UGT3A2: variants seen among roughly 807,000 people sequenced by gnomAD.
The protein encoded by UGT3A2 is UDP glycosyltransferase family 3 member A2.
In UGT3A2, 32 loss-of-function variants were observed where a neutral mutation model predicts 39.8. That is an observed-to-expected ratio of 0.80 (90% CI 0.61 to 1.08). UGT3A2 has a LOEUF of 1.08. Among genes scored for constraint, UGT3A2 ranks in the 50% least tolerant of loss-of-function variants. The pLI is 0.00. For missense variants in UGT3A2, 611 were observed against 637.1 expected, an observed-to-expected ratio of 0.96 and a Z score of 0.44; for synonymous variants, 241 against 230.7, an observed-to-expected ratio of 1.04 and a Z score of -0.40.
At chr5:36,064,449 T>G in intron 1 of UGT3A2, 99 bp from the exon 2 acceptor site, 1 of 1,019,748 alleles carries the variant, frequency 9.8e-7, no homozygotes, top group Non-Finnish European at 1.5e-6. Context: ...GAAACAGAAG[T>G]GGATAGTGAT....
chr5:36,053,496 C>G (rs972279407), intron 2 of UGT3A2, among the ~76,000 whole-genome samples: 1 of 152,102 alleles, frequency 6.6e-6, no homozygotes, highest in African/African-American at 2.4e-5. Context: ...ACAGAAGGCT[C>G]TAGAATCTGT....
intron 2 of UGT3A2, among the ~76,000 whole-genome samples, chr5:36,057,539 T>C (rs1311109090): frequency 7.8e-5 from 11 of 140,766 alleles, no homozygotes; most frequent in Admixed American, 3.7e-4. Context: ...CTCTCTCTCT[T>C]TTTTTTTTTT....
intron 4 of UGT3A2, among the ~76,000 whole-genome samples, chr5:36,047,019 C>A (rs184655913): frequency 3.9e-5 from 6 of 152,248 alleles, no homozygotes; most frequent in East Asian, 1.9e-4. Context: ...AAGTGTATGT[C>A]GGCTCGCTTC....
chr5:36,044,370 A>G (rs1742103731), intron 4 of UGT3A2, among the ~76,000 whole-genome samples: 1 of 152,170 alleles, frequency 6.6e-6, no homozygotes, highest in African/African-American at 2.4e-5. Flanking sequence ...TGACACACCC[A>G]AAGTTAGTAT....
chr5:36,037,360 G>T (rs1741862570), intron 6 of UGT3A2, among the ~76,000 whole-genome samples: 1 of 152,204 alleles, frequency 6.6e-6, no homozygotes, highest in African/African-American at 2.4e-5. Context: ...AAGAAGAAAT[G>T]AGTTGGAGAT....
chr5:36,056,494 A>C (rs955000300), intron 2 of UGT3A2, among the ~76,000 whole-genome samples: 1 of 152,188 alleles, frequency 6.6e-6, no homozygotes, highest in African/African-American at 2.4e-5. Flanking sequence ...CAAGTAATAA[A>C]TCCACTTCAT....
Position 36,035,483 on chromosome 5 carries a change from G to A in UGT3A2, c.*215C>T. ...GCAAACAAAGGAGGACAAGAGGACTGGAAAGAATTCTGCTAGCAGGCAGGA... is the reference window on the plus strand; with the variant it reads ...GCAAACAAAGGAGGACAAGAGGACTAGAAAGAATTCTGCTAGCAGGCAGGA... On this transcript the variant is annotated 3_prime_UTR_variant, in exon 7 of 7. Coordinates refer to ENST00000282507, the MANE Select transcript of UGT3A2 (RefSeq NM_174914.4). 1.5e-6 allele frequency: 1 copy of A among 657,798 alleles called. No homozygotes were observed. Among genetic ancestry groups the A allele is most frequent in the Non-Finnish European group, 2.5e-6 (1 of 397,040 alleles). The allele number at this position is 657,798 out of a possible 1,614,324, so 40.7% of individuals were successfully genotyped here. A position where few individuals can be genotyped will look rare whatever the true frequency, so the allele number is the denominator to read the frequency against.
At chr5:36,055,225 G>GTTTTTT (rs67212623) in intron 2 of UGT3A2, among the ~76,000 whole-genome samples, 3 of 150,786 alleles carry the variant, frequency 2.0e-5, no homozygotes, top group African/African-American at 7.3e-5. Context: ...CTGCTCTGCA[G>GTTTTTT]TTTGTTTTTT....
rs1047139758 is a variant in UGT3A2 at position 36,040,893 on chromosome 5, C to T, written c.844-1185G>A. On this transcript the variant is annotated intron_variant, in intron 4 of 6. Coordinates refer to ENST00000282507, the MANE Select transcript of UGT3A2 (RefSeq NM_174914.4). Reference sequence around the variant, plus strand: ...CAGCTCAGAGCTCCAGGAGAGACTCCTTCCTCCAGGAGAGGAGAGGGAAGA... The same window carrying T: ...CAGCTCAGAGCTCCAGGAGAGACTCTTTCCTCCAGGAGAGGAGAGGGAAGA... Among the ~76,000 whole-genome samples, 5 of 151,932 alleles carry T rather than the reference C, an allele frequency of 3.3e-5. No homozygotes were observed. The East Asian group carries it at 9.7e-4, about 29-fold the overall frequency.
chr5:36,066,687 A>AGC lies in UGT3A2; in HGVS notation c.94+7_94+8dup. 1 of 1,614,090 alleles carries AGC rather than the reference A, an allele frequency of 6.2e-7. No homozygotes were observed. Among genetic ancestry groups the AGC allele is most frequent in the Middle Eastern group, 1.7e-4 (1 of 6,060 alleles). On this transcript the variant is annotated intron_variant, in intron 1 of 6. Transcript: ENST00000282507. ...CGCCTGTCTGGGAATTCTCCGGCCA[A>AGC]GCACTCACCTACTGTAGATATTGTC...
intron 1 of UGT3A2, among the ~76,000 whole-genome samples, chr5:36,065,789 C>G (rs750199817): frequency 2.4e-4 from 37 of 152,110 alleles, no homozygotes; most frequent in Non-Finnish European, 5.0e-4. Flanking sequence ...CCTTCAATTG[C>G]CCTCTCAGGA....
At chr5:36,041,104 C>T (rs1741992292) in intron 4 of UGT3A2, among the ~76,000 whole-genome samples, 2 of 152,136 alleles carry the variant, frequency 1.3e-5, no homozygotes, top group African/African-American at 4.8e-5. Flanking sequence ...GATTCACCAC[C>T]TGCTAATTCA....
intron 6 of UGT3A2, among the ~76,000 whole-genome samples, chr5:36,036,648 A>G (rs939229501): frequency 3.9e-5 from 6 of 152,218 alleles, no homozygotes; most frequent in African/African-American, 1.4e-4. Context: ...TCAGAAAATG[A>G]CCAACTGCAA....
At chr5:36,063,855 C>G (rs1742794027) in intron 2 of UGT3A2, among the ~76,000 whole-genome samples, 1 of 152,158 alleles carries the variant, frequency 6.6e-6, no homozygotes, top group Admixed American at 6.5e-5. Flanking sequence ...AGGCTGGTCT[C>G]AAACTCCTGG....
At chr5:36,039,420 G>T in intron 5 of UGT3A2, 57 bp downstream of exon 5, 2 of 1,535,378 alleles carry the variant, frequency 1.3e-6, no homozygotes, top group South Asian at 1.1e-5. Context: ...TCAGAGCCGT[G>T]ATGAGCCCCA....
chr5:36,055,166 T>C (rs550275854), intron 2 of UGT3A2, among the ~76,000 whole-genome samples: 1 of 152,012 alleles, frequency 6.6e-6, no homozygotes, highest in South Asian at 2.1e-4. Flanking sequence ...GGGGGTACCT[T>C]GTGACCCTCG....
chr5:36,035,949 T>C lies in UGT3A2; in HGVS notation c.1321A>G (p.Ser441Gly), dbSNP rs747420876. ...AGCGGGTGGGAGCGCAGGATGACAC[T>C]GGCAGCCACTGCCGCGGACTTGTAT... ...KRYKSAAVAA[S>G]VILRSHPLSP... The change falls in exon 7 of 7, where the codon AGT becomes GGT. Residue 441 changes from serine (S) to glycine (G), a missense_variant. By Grantham distance (56) the Ser-to-Gly change is moderately conservative. Transcript: ENST00000282507. The C allele has an allele frequency of 1.9e-6, 3 of 1,613,244 alleles. No individual in the cohort carries two copies. The highest frequency in any genetic ancestry group is 2.5e-6 in the Non-Finnish European group (3 of 1,179,738).
At position 36,049,256 on chromosome 5, in the gene UGT3A2, C is replaced by G; in HGVS notation, c.476G>C (p.Gly159Ala). ...GGAAAGAATGGCCACAAATGGCTTC[C>G]CAAGCTTCTCAGCAATCAGGAAAGG... ...YCPFLIAEKLGKPFVAILSTS... is the reference protein window; with the variant it reads ...YCPFLIAEKLAKPFVAILSTS... The change falls in exon 4 of 7, where the codon GGG (glycine) becomes GCG (alanine). Residue 159 changes from glycine to alanine, a missense_variant. Physicochemically the swap from Gly to Ala is moderately conservative, Grantham distance 60. Coordinates refer to ENST00000282507, the MANE Select transcript of UGT3A2 (RefSeq NM_174914.4). 6.2e-7 allele frequency: 1 copy of G among 1,614,060 alleles called. No homozygotes were observed. The highest frequency in any genetic ancestry group is 8.5e-7 in the Non-Finnish European group (1 of 1,179,962).
chr5:36,062,264 A>G (rs1213909423), intron 2 of UGT3A2, among the ~76,000 whole-genome samples: 1 of 149,554 alleles, frequency 6.7e-6, no homozygotes, highest in Non-Finnish European at 1.5e-5. Context: ...CCATTTGTCA[A>G]TTTTGGCTTT....
Sources: gnomAD v4.1 joint callset for allele counts (sites outside exome capture counted in the v4.1 genomes callset) on GRCh38, gnomAD v4.1.1 for gene constraint, MANE v1.5 for transcripts, NCBI Gene and HGNC (gene_info 2026-07-23, HGNC 2026-07-21) for gene names.